LTBP2: variants seen among roughly 807,000 people sequenced by gnomAD.
LTBP2 encodes latent transforming growth factor beta binding protein 2.
Under a neutral mutation model 210.6 loss-of-function variants are expected in LTBP2, and 103 were observed. That is an observed-to-expected ratio of 0.49 (90% CI 0.42 to 0.58). LTBP2 has a LOEUF of 0.58. Among genes scored for constraint, LTBP2 ranks in the 20% least tolerant of loss-of-function variants. The probability of loss-of-function intolerance (pLI) is 0.00; values close to 1 mark genes in which losing one functional copy is unlikely to be tolerated. For missense variants in LTBP2, 2,313 were observed against 2,494.5 expected (o/e 0.93, Z 1.55); for synonymous variants, 1,007 against 1,015.0 (o/e 0.99, Z 0.15).
chr14:74,572,310 TGTGTGTGTGTGTGAGA>T (rs776241995), intron 3 of LTBP2, among the ~76,000 whole-genome samples: 38,204 of 126,510 alleles, frequency 0.3, 5,991 homozygotes, highest in Non-Finnish European at 0.43. Flanking sequence ...TGTGTGTCTG[TGTGTGTGTGTGTGAGA>T]GAGAGAGAGA....
Position 74,612,086 on chromosome 14 carries a change from G to C in LTBP2, c.-142C>G, listed in dbSNP as rs962108924. 5 of 884,498 alleles carry C rather than the reference G, an allele frequency of 5.7e-6. No homozygotes were observed. The highest frequency in any genetic ancestry group is 2.2e-5 in the South Asian group (1 of 46,444). 54.8% of individuals were successfully genotyped at this position (884,498 alleles called of 1,614,324 possible). The stretch of plus-strand genomic sequence containing the variant: ...CTAGGGGGCCCTGAAGCGGCCGACT[G>C]GGGGCCCGGCTCTCGGCGGAACGAG... On this transcript the variant is annotated 5_prime_UTR_variant, in exon 1 of 36. Coordinates refer to ENST00000261978, the MANE Select transcript of LTBP2 (RefSeq NM_000428.3).
chr14:74,604,703 G>A (rs2088500270), intron 1 of LTBP2, among the ~76,000 whole-genome samples: 2 of 151,966 alleles, frequency 1.3e-5, no homozygotes, highest in Non-Finnish European at 2.9e-5. Flanking sequence ...GTTGGCCAGG[G>A]TGGTCTCAAA....
intron 2 of LTBP2, among the ~76,000 whole-genome samples, chr14:74,600,815 G>A (rs2088436386): frequency 6.6e-6 from 1 of 152,166 alleles, no homozygotes; most frequent in African/African-American, 2.4e-5. Context: ...CCTGAGTCCT[G>A]GAAGGCCCTG....
chr14:74,533,675 G>C (rs552585447), intron 9 of LTBP2, among the ~76,000 whole-genome samples: 1 of 152,342 alleles, frequency 6.6e-6, no homozygotes, highest in Non-Finnish European at 1.5e-5. Context: ...TGTGCAGGCT[G>C]CACGCATCCC....
At chr14:74,542,283 G>A (rs554304128) in intron 8 of LTBP2, among the ~76,000 whole-genome samples, 1 of 152,308 alleles carries the variant, frequency 6.6e-6, no homozygotes, top group South Asian at 2.1e-4. Flanking sequence ...AAGCAGATGG[G>A]CCCCTGGCTG....
chr14:74,553,787 G>A (rs1390089769), intron 4 of LTBP2, among the ~76,000 whole-genome samples: 9 of 152,078 alleles, frequency 5.9e-5, no homozygotes, highest in African/African-American at 7.3e-5. Context: ...AATTCAGTAC[G>A]GGGAGCCTGG....
chr14:74,502,488 G>A (rs2086921665), intron 34 of LTBP2, 165 bp downstream of exon 34: 1 of 859,456 alleles, frequency 1.2e-6, no homozygotes, highest in Non-Finnish European at 1.9e-6. Context: ...TCGGACCTGG[G>A]CGTATGTACT....
chr14:74,585,964 G>A lies in LTBP2; in HGVS notation c.720C>T (p.Ala240=), dbSNP rs1450958387. The change falls in exon 3 of 36, where the codon GCC becomes GCT. Residue 240 remains alanine, a synonymous_variant. Transcript: ENST00000261978. ...QNSRLAPRRW[A]ERSPNLRRSS... is the part of the protein sequence containing the mutation. ...TCCTGCGCAGGTTGGGTGAACGCTCGGCCCAGCGTCGAGGTGCCAGCCTGG... is the reference window on the plus strand; with the variant it reads ...TCCTGCGCAGGTTGGGTGAACGCTCAGCCCAGCGTCGAGGTGCCAGCCTGG... 6 of 1,613,340 alleles carry A rather than the reference G, an allele frequency of 3.7e-6. No homozygotes were observed. Among genetic ancestry groups the A allele is most frequent in the East Asian group, 2.2e-5 (1 of 44,880 alleles).
rs146142213 is a variant in LTBP2, at chr14:74,542,954, A to C, written c.1789+6909T>G. Among the ~76,000 whole-genome samples the C allele has an allele frequency of 3.6e-3, 546 of 151,938 alleles. 3 individuals are homozygous for C. The highest frequency in any genetic ancestry group is 2.8e-3 in the Non-Finnish European group (193 of 67,942). On this transcript the variant is annotated intron_variant, in intron 8 of 35. Transcript: ENST00000261978. ...GCTAATTTTTGTATTTTTAGTAGAGAGACGGGGTTTCACCATGTTGGCCAG... is the reference window on the plus strand; with the variant it reads ...GCTAATTTTTGTATTTTTAGTAGAGCGACGGGGTTTCACCATGTTGGCCAG...
intron 14 of LTBP2, 94 bp downstream of exon 14, chr14:74,525,981 G>T: frequency 7.7e-7 from 1 of 1,298,954 alleles, no homozygotes; most frequent in Non-Finnish European, 1.1e-6. Context: ...GTGTGTGAGC[G>T]TGAACCAGCT....
rs767872825 is a variant in LTBP2 at position 74,508,877 on chromosome 14, C to T, written c.3479G>A (p.Cys1160Tyr). 3 of 1,613,804 alleles carry T rather than the reference C, an allele frequency of 1.9e-6. No individual in the cohort carries two copies. The highest frequency in any genetic ancestry group is 2.2e-5 in the East Asian group (1 of 44,878). ...CAGCTGGAAGCCCTGGGGACAGAGG[C>T]ACTGGTAGGAGCCCACAGTGTTCTT... ...ECKNTVGSYQ[C>Y]LCPQGFQLAN... The change falls in exon 23 of 36, where the codon TGC becomes TAC. Residue 1160 changes from cysteine (C) to tyrosine (Y), a missense_variant. Physicochemically the swap from Cys to Tyr is radical, Grantham distance 194. Coordinates refer to ENST00000261978, the MANE Select transcript of LTBP2 (RefSeq NM_000428.3).
At chr14:74,506,887 G>GCGCGCA (rs2086998965) in intron 26 of LTBP2, 64 bp from the exon 27 acceptor site, 1 of 1,526,188 alleles carries the variant, frequency 6.6e-7, no homozygotes, top group East Asian at 2.4e-5. Context: ...GTGCGCGCGC[G>GCGCGCA]CGTGTGTGCT....
At chr14:74,548,816 C>A (rs2087610996) in intron 8 of LTBP2, among the ~76,000 whole-genome samples, 1 of 152,204 alleles carries the variant, frequency 6.6e-6, no homozygotes, top group Non-Finnish European at 1.5e-5. Context: ...CTCCATTTTA[C>A]AGATCAAGAG....
chr14:74,521,858 C>T (rs2087206925), intron 17 of LTBP2, 53 bp downstream of exon 17: 2 of 1,611,002 alleles, frequency 1.2e-6, no homozygotes, highest in Non-Finnish European at 8.5e-7. Context: ...GTTCCTCTTC[C>T]ACCCCCTCAA....
At chr14:74,573,946 C>T (rs962666583) in intron 3 of LTBP2, among the ~76,000 whole-genome samples, 1 of 152,058 alleles carries the variant, frequency 6.6e-6, no homozygotes, top group Non-Finnish European at 1.5e-5. Context: ...GGGGAGTAAC[C>T]GAGTCAAGTG....
At chr14:74,515,083 T>G (rs2087118075) in intron 18 of LTBP2, among the ~76,000 whole-genome samples, 2 of 152,162 alleles carry the variant, frequency 1.3e-5, no homozygotes, top group African/African-American at 4.8e-5. Context: ...AAGGTCTGTA[T>G]GTGCCAGACG....
chr14:74,600,326 T>G lies in LTBP2; in HGVS notation c.565+3309A>C, dbSNP rs188469626. Among the ~76,000 whole-genome samples, 15 of 152,302 alleles carry G rather than the reference T, an allele frequency of 9.8e-5. No homozygotes were observed. In the East Asian group the frequency reaches 2.5e-3, roughly 26 times the overall value. ...CCTTCAGGAGAGCAGCTGGCCTGTA[T>G]GCCTGGGTCAGGGTGGGTGACCGGG... On this transcript the variant is annotated intron_variant, in intron 2 of 35. Coordinates refer to ENST00000261978, the MANE Select transcript of LTBP2 (RefSeq NM_000428.3).
intron 2 of LTBP2, among the ~76,000 whole-genome samples, chr14:74,599,140 G>A (rs143657431): frequency 2.6e-4 from 39 of 152,312 alleles, no homozygotes; most frequent in African/African-American, 8.7e-4. Context: ...TTTTATGGAC[G>A]AGGCCCTGTG....
intron 8 of LTBP2, 70 bp downstream of exon 8, chr14:74,549,793 C>A (rs537850343): frequency 1.7e-4 from 232 of 1,327,992 alleles, no homozygotes; most frequent in Non-Finnish European, 2.4e-4. Flanking sequence ...GGAGGGGAAA[C>A]CCTGGCAGGA....
Sources: gnomAD v4.1 joint callset for allele counts (sites outside exome capture counted in the v4.1 genomes callset) on GRCh38, gnomAD v4.1.1 for gene constraint, MANE v1.5 for transcripts, NCBI Gene and HGNC (gene_info 2026-07-23, HGNC 2026-07-21) for gene names.